SPATA17: variants seen among roughly 807,000 people sequenced by gnomAD.
The protein encoded by SPATA17 is spermatogenesis-associated protein 17.
A neutral mutation model predicts 62.2 loss-of-function variants in SPATA17; 53 were observed. The ratio of observed to expected loss-of-function variants is 0.85; its 90% CI spans 0.68 to 1.07. The LOEUF (loss-of-function observed/expected upper bound fraction) is 1.07. Among genes scored for constraint, SPATA17 ranks in the 50% least tolerant of loss-of-function variants. SPATA17 has a pLI of 0.00. For missense variants in SPATA17, 466 were observed against 425.5 expected (o/e 1.10, Z -0.84); for synonymous variants, 146 against 146.8 (o/e 0.99, Z 0.04).
chr1:217,797,952 C>A (rs1197217368), intron 8 of SPATA17, among the ~76,000 whole-genome samples: 1 of 152,176 alleles, frequency 6.6e-6, no homozygotes, highest in Admixed American at 6.5e-5. Context: ...TGACCCCTAG[C>A]AGCCCATCCT....
chr1:217,863,649 A>T (rs1675942339), intron 10 of SPATA17, among the ~76,000 whole-genome samples: 1 of 152,198 alleles, frequency 6.6e-6, no homozygotes, highest in Non-Finnish European at 1.5e-5. Context: ...AAGATATATA[A>T]GAATAAAGAG....
rs181988175 is a variant in SPATA17 at position 217,683,116 on chromosome 1, A to G, written c.292-142A>G. 797 of 422,746 alleles carry G rather than the reference A, an allele frequency of 1.9e-3. 4 individuals are homozygous for G. Among genetic ancestry groups the G allele is most frequent in the Non-Finnish European group, 2.5e-3 (590 of 232,782 alleles). 26.2% of individuals were successfully genotyped at this position (422,746 alleles called of 1,614,324 possible). On this transcript the variant is annotated intron_variant, in intron 4 of 10. Transcript: ENST00000366933. Reference sequence around the variant, plus strand: ...ATGAGCAGAACCTATATTTACAACTAATATGCTACAATATTAGTGGAAAAG... The same window carrying G: ...ATGAGCAGAACCTATATTTACAACTGATATGCTACAATATTAGTGGAAAAG...
intron 9 of SPATA17, among the ~76,000 whole-genome samples, chr1:217,828,378 AAAAG>A (rs1449449513): frequency 6.6e-6 from 1 of 151,880 alleles, no homozygotes; most frequent in Non-Finnish European, 1.5e-5. Context: ...TTCCAAATGC[AAAAG>A]AATGAAATTG....
chr1:217,666,536 T>A (rs1670700978), intron 3 of SPATA17, among the ~76,000 whole-genome samples: 1 of 152,114 alleles, frequency 6.6e-6, no homozygotes, highest in South Asian at 2.1e-4. Flanking sequence ...GTTTTTTTTT[T>A]TAGTTTTTAA....
intron 6 of SPATA17, among the ~76,000 whole-genome samples, chr1:217,766,720 CTTTT>C (rs71167423): frequency 3.8e-5 from 5 of 131,376 alleles, no homozygotes; most frequent in Non-Finnish European, 3.2e-5. Flanking sequence ...ATATCGTTCT[CTTTT>C]TTTTTTTTTT....
At chr1:217,814,783 G>A (rs550281699) in intron 9 of SPATA17, among the ~76,000 whole-genome samples, 278 of 152,168 alleles carry the variant, frequency 1.8e-3, no homozygotes, top group African/African-American at 6.5e-3. Context: ...ATGAGTTGGA[G>A]GCTGCAGTGA....
Position 217,801,701 on chromosome 1 carries a change from TTAAATATTTCTTTCA to T in SPATA17, c.873-16_873-2del, listed in dbSNP as rs1281400874. The T allele has an allele frequency of 1.3e-6, 2 of 1,582,274 alleles. No individual in the cohort carries two copies. Among genetic ancestry groups the T allele is most frequent in the Admixed American group, 3.8e-5 (2 of 52,684 alleles). On this transcript the variant is annotated splice_acceptor_variant and splice_polypyrimidine_tract_variant and intron_variant, in intron 8 of 10. Transcript: ENST00000366933. LOFTEE classifies it high-confidence loss of function. Reference sequence around the variant, plus strand: ...CTAGAAATCAAGTTAAGAATAGCTCTTAAATATTTCTTTCAGGTTTTTGCCATTTTCTTCATACCA... The same window carrying T: ...CTAGAAATCAAGTTAAGAATAGCTCTGGTTTTTGCCATTTTCTTCATACCA...
intron 4 of SPATA17, among the ~76,000 whole-genome samples, chr1:217,679,911 A>C (rs1387555874): frequency 6.6e-6 from 1 of 152,174 alleles, no homozygotes; most frequent in South Asian, 2.1e-4. Flanking sequence ...AAATGGGAAT[A>C]TCCATTTCTC....
chr1:217,860,829 A>C (rs911924912), intron 9 of SPATA17, among the ~76,000 whole-genome samples: 2 of 152,112 alleles, frequency 1.3e-5, no homozygotes, highest in African/African-American at 4.8e-5. Flanking sequence ...CCACATTTAA[A>C]GTGATTATTA....
At chr1:217,839,871 G>A (rs763216341) in intron 9 of SPATA17, among the ~76,000 whole-genome samples, 4 of 152,060 alleles carry the variant, frequency 2.6e-5, no homozygotes, top group Non-Finnish European at 4.4e-5. Flanking sequence ...ATCATTTTAT[G>A]ATGTCCACAT....
Position 217,669,100 on chromosome 1 carries a change from T to C in SPATA17, c.291+17T>C. On this transcript the variant is annotated intron_variant, in intron 4 of 10. Coordinates refer to ENST00000366933, the MANE Select transcript of SPATA17 (RefSeq NM_138796.4). Reference sequence around the variant, plus strand: ...GCTGTCAGGGTAAATATTTCTTCACTTGTTAAACAAATGAAAAGTCAATTG... The same window carrying C: ...GCTGTCAGGGTAAATATTTCTTCACCTGTTAAACAAATGAAAAGTCAATTG... 3.1e-6 allele frequency: 5 copies of C among 1,607,424 alleles called. No individual in the cohort carries two copies. Among genetic ancestry groups the C allele is most frequent in the South Asian group, 1.1e-5 (1 of 89,970 alleles).
rs990859350 is a variant in SPATA17, at chr1:217,782,157, T to C, written c.724-17T>C. 3 of 1,571,388 alleles carry C rather than the reference T, an allele frequency of 1.9e-6. No homozygotes were observed. The highest frequency in any genetic ancestry group is 4.0e-5 in the Admixed American group (2 of 50,280). ...AAATCTTCCATATAAAATATGTTCC[T>C]CATCCTGTCTTGTCAGGGGCCCTTC... On this transcript the variant is annotated splice_polypyrimidine_tract_variant and intron_variant, in intron 7 of 10. Transcript: ENST00000366933.
At chr1:217,796,561 TG>T (rs578093132) in intron 8 of SPATA17, among the ~76,000 whole-genome samples, 2 of 152,158 alleles carry the variant, frequency 1.3e-5, no homozygotes, top group Admixed American at 6.5e-5. Context: ...GTCTCCACCC[TG>T]GGGGGAAGAT....
chr1:217,799,300 G>T (rs17726947), intron 8 of SPATA17, among the ~76,000 whole-genome samples: 1 of 151,920 alleles, frequency 6.6e-6, no homozygotes, highest in South Asian at 2.1e-4. Flanking sequence ...TTGTCGTCTC[G>T]GCCATTCATT....
chr1:217,655,435 C>T (rs762740336), intron 3 of SPATA17, among the ~76,000 whole-genome samples: 6 of 152,190 alleles, frequency 3.9e-5, no homozygotes, highest in Non-Finnish European at 7.4e-5. Flanking sequence ...TAGTGTCTCT[C>T]GGGTTTCTAC....
chr1:217,704,471 C>T (rs934441910), intron 5 of SPATA17, among the ~76,000 whole-genome samples: 3 of 150,690 alleles, frequency 2.0e-5, no homozygotes, highest in East Asian at 4.0e-4. Context: ...AGGATGGTCT[C>T]GATCTCCTGA....
chr1:217,870,875 T>C lies in SPATA17; in HGVS notation c.*3856T>C, dbSNP rs1676115426. ...CTTGATAAATGCCCTGGACCCAACATCTAACAGAATACCTGGCATAAAGTG... is the reference window on the plus strand; with the variant it reads ...CTTGATAAATGCCCTGGACCCAACACCTAACAGAATACCTGGCATAAAGTG... On this transcript the variant is annotated 3_prime_UTR_variant, in exon 11 of 11. Coordinates refer to ENST00000366933, the MANE Select transcript of SPATA17 (RefSeq NM_138796.4). 1 of 152,150 alleles carries C rather than the reference T, an allele frequency of 6.6e-6. No homozygotes were observed. The highest frequency in any genetic ancestry group is 2.4e-5 in the African/African-American group (1 of 41,444). The allele number at this position is 152,150 out of a possible 1,614,324, so 9.4% of individuals were successfully genotyped here.
At chr1:217,818,117 T>C (rs1674767696) in intron 9 of SPATA17, among the ~76,000 whole-genome samples, 1 of 152,058 alleles carries the variant, frequency 6.6e-6, no homozygotes, top group Non-Finnish European at 1.5e-5. Flanking sequence ...AACCACCTAT[T>C]ATTCATTGCC....
At chr1:217,702,178 T>A (rs1671613501) in intron 5 of SPATA17, among the ~76,000 whole-genome samples, 1 of 152,136 alleles carries the variant, frequency 6.6e-6, no homozygotes, top group Non-Finnish European at 1.5e-5. Flanking sequence ...AAACCTTTTT[T>A]AACTAACTTA....
Sources: allele counts gnomAD v4.1 joint callset (sites outside exome capture counted in the v4.1 genomes callset), GRCh38; gene constraint gnomAD v4.1.1; transcripts MANE v1.5; gene names NCBI Gene and HGNC (gene_info 2026-07-23, HGNC 2026-07-21).